FH: variants seen among roughly 807,000 people sequenced by gnomAD.
FH encodes the protein fumarate hydratase.
Under a neutral mutation model 49.4 loss-of-function variants are expected in FH, and 22 were observed. That is an observed-to-expected ratio of 0.45 (90% CI 0.32 to 0.64). The LOEUF is 0.64. FH is among the 30% of genes least tolerant of loss of function. The pLI is 0.05. For missense variants in FH, 526 were observed against 641.5 expected (o/e 0.82, Z 1.95); for synonymous variants, 208 against 223.0 (o/e 0.93, Z 0.60).
intron 4 of FH, among the ~76,000 whole-genome samples, chr1:241,511,137 C>G (rs1319704493): frequency 6.6e-6 from 1 of 152,154 alleles, no homozygotes; most frequent in South Asian, 2.1e-4. Flanking sequence ...TTAGGAGATG[C>G]GGCCTTTGCA....
intron 9 of FH, among the ~76,000 whole-genome samples, chr1:241,500,137 C>T (rs887040461): frequency 6.6e-6 from 1 of 152,066 alleles, no homozygotes; most frequent in African/African-American, 2.4e-5. Flanking sequence ...TAACCTTCCC[C>T]AATGGTCTGC....
chr1:241,504,014 C>T (rs1434172515), intron 7 of FH, 28 bp downstream of exon 7: 23 of 1,601,270 alleles, frequency 1.4e-5, no homozygotes, highest in South Asian at 3.3e-5. Context: ...CAAGTTTTAG[C>T]TCCAACATTT....
intron 6 of FH, among the ~76,000 whole-genome samples, chr1:241,505,238 G>A (rs1186267589): frequency 6.6e-6 from 1 of 151,876 alleles, no homozygotes; most frequent in Non-Finnish European, 1.5e-5. Context: ...AAGTTTCTTT[G>A]TCCACTTTAC....
intron 9 of FH, among the ~76,000 whole-genome samples, chr1:241,499,271 A>C (rs950884809): frequency 2.0e-5 from 3 of 152,132 alleles, no homozygotes; most frequent in African/African-American, 7.2e-5. Context: ...TATGGCCTCT[A>C]ACAATTCTTT....
Position 241,517,061 on chromosome 1 carries a change from C to A in FH, c.267+121G>T, listed in dbSNP as rs1322693234. 8 of 1,249,110 alleles carry A rather than the reference C, an allele frequency of 6.4e-6. No individual in the cohort carries two copies. In the East Asian group the frequency reaches 1.7e-4, roughly 26 times the overall value. 77.4% of individuals were successfully genotyped at this position (1,249,110 alleles called of 1,614,324 possible). A position where few individuals can be genotyped will look rare whatever the true frequency, so the allele number is the denominator to read the frequency against. ...GTGAAAGAGAACCTCTTATTACTCA[C>A]GAAGCCATCTTTTCTAATAACTTTA... On this transcript the variant is annotated intron_variant, in intron 2 of 9. Transcript: ENST00000366560.
In FH at chr1:241,500,565, C is replaced by A. The variant is rs1659747962; in HGVS notation, c.1262G>T (p.Arg421Met). 6.2e-7 allele frequency: 1 copy of A among 1,608,580 alleles called. No homozygotes were observed. Among genetic ancestry groups the A allele is most frequent in the Non-Finnish European group, 8.5e-7 (1 of 1,178,738 alleles). Residue 421 changes from arginine to methionine, a missense_variant, in exon 9 of 10, where the codon AGG becomes ATG. By Grantham distance (91) the Arg-to-Met change is moderately conservative. This residue lies in a region of FH where 383 missense variants were observed against 514.0 expected (regional missense o/e 0.75). Coordinates refer to ENST00000366560, the MANE Select transcript of FH (RefSeq NM_000143.4). ...MMIKNVLHSA[R>M]LLGDASVSFT... The stretch of plus-strand genomic sequence containing the variant: ...GGAAACTGAAGCATCCCCCAGCAGC[C>A]TGGCTGAGTGTAACACATTTTTAAT...
At chr1:241,505,103 G>T (rs948808993) in intron 6 of FH, among the ~76,000 whole-genome samples, 1 of 151,732 alleles carries the variant, frequency 6.6e-6, no homozygotes, top group Non-Finnish European at 1.5e-5. Context: ...TAGAGACAGG[G>T]TTTCGCCATG....
intron 9 of FH, among the ~76,000 whole-genome samples, chr1:241,499,406 C>T (rs111229589): frequency 6.6e-6 from 1 of 152,194 alleles, no homozygotes. Context: ...CTCACACGAG[C>T]CTCTGGGTTC....
intron 3 of FH, 104 bp from the exon 4 acceptor site, chr1:241,512,247 C>A: frequency 1.0e-6 from 1 of 956,570 alleles, no homozygotes; most frequent in Non-Finnish European, 1.6e-6. Flanking sequence ...GCTTCTGAAG[C>A]ATCACTTGCT....
rs1304761055 is a variant in FH, at chr1:241,497,607, AGTCT to A, written c.*217_*220del. On this transcript the variant is annotated 3_prime_UTR_variant, in exon 10 of 10. Coordinates refer to ENST00000366560, the MANE Select transcript of FH (RefSeq NM_000143.4). Reference sequence around the variant, plus strand: ...GTCAATTAACATAGGAGAAAATTTAAGTCTGTTTTCCTTTTTATTTTATAAATGT... The same window carrying A: ...GTCAATTAACATAGGAGAAAATTTAAGTTTTCCTTTTTATTTTATAAATGT... 1 of 448,534 alleles carries A rather than the reference AGTCT, an allele frequency of 2.2e-6. No individual in the cohort carries two copies. The highest frequency in any genetic ancestry group is 3.8e-5 in the Admixed American group (1 of 26,644). 27.8% of individuals were successfully genotyped at this position (448,534 alleles called of 1,614,324 possible). A position where few individuals can be genotyped will look rare whatever the true frequency, so the allele number is the denominator to read the frequency against.
At chr1:241,498,799 A>T (rs1395425124) in intron 9 of FH, among the ~76,000 whole-genome samples, 1 of 143,378 alleles carries the variant, frequency 7.0e-6, no homozygotes, top group Non-Finnish European at 1.5e-5. Flanking sequence ...AAAAAACAAG[A>T]TCAGAGAAAT....
chr1:241,503,391 C>T (rs1659831191), intron 7 of FH, among the ~76,000 whole-genome samples: 2 of 152,188 alleles, frequency 1.3e-5, no homozygotes, highest in South Asian at 4.1e-4. Flanking sequence ...GCTACAGTGG[C>T]CTTTATGGAT....
intron 2 of FH, among the ~76,000 whole-genome samples, chr1:241,516,273 C>T (rs1558401872): frequency 6.6e-6 from 1 of 152,056 alleles, no homozygotes. Context: ...AAATGTCCAT[C>T]AATAAAGGAT....
chr1:241,497,624 A>G lies in FH; in HGVS notation c.*204T>C. ...AAAATTTAAGTCTGTTTTCCTTTTT[A>G]TTTTATAAATGTATTTTATTTTATA... On this transcript the variant is annotated 3_prime_UTR_variant, in exon 10 of 10. Coordinates refer to ENST00000366560, the MANE Select transcript of FH (RefSeq NM_000143.4). The G allele has an allele frequency of 2.1e-6, 1 of 476,998 alleles. No homozygotes were observed. Among genetic ancestry groups the G allele is most frequent in the South Asian group, 3.9e-5 (1 of 25,870 alleles). 29.5% of individuals were successfully genotyped at this position (476,998 alleles called of 1,614,324 possible).
intron 8 of FH, among the ~76,000 whole-genome samples, chr1:241,501,439 G>A (rs953877164): frequency 4.6e-5 from 7 of 152,118 alleles, no homozygotes; most frequent in African/African-American, 1.4e-4. Context: ...CGTGTTAACT[G>A]TTTGGAATCT....
chr1:241,516,440 A>G (rs1009631936), intron 2 of FH, among the ~76,000 whole-genome samples: 1 of 152,184 alleles, frequency 6.6e-6, no homozygotes, highest in Non-Finnish European at 1.5e-5. Context: ...CTCACTTGTA[A>G]GTGGGAGCTG....
chr1:241,501,453 C>T (rs964410645), intron 8 of FH, among the ~76,000 whole-genome samples: 1 of 151,990 alleles, frequency 6.6e-6, no homozygotes, highest in African/African-American at 2.4e-5. Context: ...GGAATCTGAC[C>T]TGAGAGCAAA....
chr1:241,517,289 A>G lies in FH; in HGVS notation c.160T>C (p.Tyr54His). Reference sequence around the variant, plus strand: ...ACCTTTAGTTCACCAAAGGTATCATATTCTATCCGGAAGGAATTTTGGCTT... The same window carrying G: ...ACCTTTAGTTCACCAAAGGTATCATGTTCTATCCGGAAGGAATTTTGGCTT... Reference protein sequence around the residue: ...MASQNSFRIEYDTFGELKVPN... With the variant: ...MASQNSFRIEHDTFGELKVPN... The change falls in exon 2 of 10, where the codon TAT (tyrosine) becomes CAT (histidine). Residue 54 changes from tyrosine (Y) to histidine (H), a missense_variant. Transcript: ENST00000366560. The G allele has an allele frequency of 1.2e-6, 2 of 1,614,152 alleles. No homozygotes were observed. The highest frequency in any genetic ancestry group is 1.1e-5 in the South Asian group (1 of 91,086).
chr1:241,498,694 C>CATATATATATATATAT lies in FH; in HGVS notation c.1391-740_1391-725dup, dbSNP rs56361117. Among the ~76,000 whole-genome samples, 84 of 53,158 alleles carry CATATATATATATATAT rather than the reference C, an allele frequency of 1.6e-3. 3 individuals are homozygous for CATATATATATATATAT. Among genetic ancestry groups the CATATATATATATATAT allele is most frequent in the Non-Finnish European group, 2.0e-3 (56 of 27,982 alleles). The allele number at this position is 53,158 out of a possible 152,430, so 34.9% of individuals were successfully genotyped here. A position where few individuals can be genotyped will look rare whatever the true frequency, so the allele number is the denominator to read the frequency against. ...AGGGCAGTTCTGCAAGCTGTCTTAA[C>CATATATATATATATAT]ATATATATATATATATATATATATA... On this transcript the variant is annotated intron_variant, in intron 9 of 9. Coordinates refer to ENST00000366560, the MANE Select transcript of FH (RefSeq NM_000143.4).
Sources: allele counts gnomAD v4.1 joint callset (sites outside exome capture counted in the v4.1 genomes callset), GRCh38; gene constraint gnomAD v4.1.1; regional missense constraint gnomAD v4.1.1; transcripts MANE v1.5; gene names NCBI Gene and HGNC (gene_info 2026-07-23, HGNC 2026-07-21).